Variants in PAWR observed in about 807,000 individuals in gnomAD.
The protein encoded by PAWR is PRKC apoptosis WT1 regulator protein.
In PAWR, 23 loss-of-function variants were observed where a neutral mutation model predicts 32.0. The ratio of observed to expected loss-of-function variants is 0.72; its 90% CI spans 0.52 to 1.02. PAWR has a LOEUF of 1.02. Among genes scored for constraint, PAWR ranks in the 50% least tolerant of loss-of-function variants. The pLI is 0.00. For synonymous variants in PAWR, 226 were observed against 187.1 expected (o/e 1.21, Z -1.70); for missense variants, 457 against 437.7 (o/e 1.04, Z -0.39).
intron 2 of PAWR, among the ~76,000 whole-genome samples, chr12:79,627,325 T>G (rs574648861): frequency 6.4e-4 from 98 of 152,350 alleles, no homozygotes; most frequent in African/African-American, 2.0e-3. Context: ...TTGATTTGCA[T>G]TTCTCTGATG....
intron 2 of PAWR, among the ~76,000 whole-genome samples, chr12:79,675,260 C>A (rs993112843): frequency 6.6e-6 from 1 of 152,002 alleles, no homozygotes; most frequent in African/African-American, 2.4e-5. Flanking sequence ...CACTTGTGTT[C>A]GCAGCTACTC....
chr12:79,588,658 C>T lies in PAWR; in HGVS notation c.*3949G>A, dbSNP rs749642045. ...GTACACTACTAGATGGAAAGTTGGT[C>T]CATGTCCATTTATTTAAAGATTCTG... is the stretch of plus-strand genomic sequence containing the variant. On this transcript the variant is annotated 3_prime_UTR_variant, in exon 7 of 7. Transcript: ENST00000328827. 1 of 151,896 alleles carries T rather than the reference C, an allele frequency of 6.6e-6. No individual in the cohort carries two copies. The highest frequency in any genetic ancestry group is 1.5e-5 in the Non-Finnish European group (1 of 67,878). The allele number at this position is 151,896 out of a possible 1,614,324, so 9.4% of individuals were successfully genotyped here.
At chr12:79,658,723 G>A (rs1387227367) in intron 2 of PAWR, among the ~76,000 whole-genome samples, 1 of 152,040 alleles carries the variant, frequency 6.6e-6, no homozygotes, top group Admixed American at 6.6e-5. Flanking sequence ...GAGTGCAGTG[G>A]CATGATCTCA....
rs1377806601 is a variant in PAWR at position 79,689,925 on chromosome 12, C to T, written c.320G>A (p.Arg107Gln). Residue 107 changes from arginine (R) to glutamine (Q), a missense_variant, in exon 2 of 7, where the codon CGG becomes CAG. Coordinates refer to ENST00000328827, the MANE Select transcript of PAWR (RefSeq NM_002583.4). Reference protein sequence around the residue: ...MLTRAAPGPRRSEDEPPAASA... With the variant: ...MLTRAAPGPRQSEDEPPAASA... ...GGCGGCTGGGGGCTCGTCCTCCGAC[C>T]GCCGCGGGCCGGGGGCCGCCCGCGT... 1 of 1,417,278 alleles carries T rather than the reference C, an allele frequency of 7.1e-7. No individual in the cohort carries two copies. The allele number at this position is 1,417,278 out of a possible 1,614,324, so 87.8% of individuals were successfully genotyped here.
At chr12:79,675,629 C>A (rs1396313649) in intron 2 of PAWR, among the ~76,000 whole-genome samples, 1 of 152,086 alleles carries the variant, frequency 6.6e-6, no homozygotes, top group Non-Finnish European at 1.5e-5. Context: ...CACATTAATG[C>A]AGGAACAGAA....
rs915275707 is a variant in PAWR, at chr12:79,661,520, C to T, written c.516+28209G>A. Reference sequence around the variant, plus strand: ...TTGAAATTTTATCATGGACATGTCACTCTTTTCTTAAGAAATTAATTTATT... The same window carrying T: ...TTGAAATTTTATCATGGACATGTCATTCTTTTCTTAAGAAATTAATTTATT... On this transcript the variant is annotated intron_variant, in intron 2 of 6. Coordinates refer to ENST00000328827, the MANE Select transcript of PAWR (RefSeq NM_002583.4). Among the ~76,000 whole-genome samples, 12 of 152,204 alleles carry T rather than the reference C, an allele frequency of 7.9e-5. 1 individual carries two copies. In the South Asian group the frequency reaches 2.3e-3, roughly 29 times the overall value.
chr12:79,607,813 T>C (rs1365989264), intron 4 of PAWR, among the ~76,000 whole-genome samples: 2 of 151,840 alleles, frequency 1.3e-5, no homozygotes, highest in Admixed American at 6.6e-5. Flanking sequence ...CCAAGGAAGT[T>C]TGTGTCTACT....
chr12:79,634,001 A>T (rs924934034), intron 2 of PAWR, among the ~76,000 whole-genome samples: 1 of 152,166 alleles, frequency 6.6e-6, no homozygotes, highest in Admixed American at 6.5e-5. Context: ...CATGAGTTGA[A>T]AATTATTGAA....
At position 79,588,511 on chromosome 12, in the gene PAWR, A is replaced by C. The variant is rs983732934; in HGVS notation, c.*4096T>G. 1.4e-4 allele frequency: 22 copies of C among 152,122 alleles called. No individual in the cohort carries two copies. Among genetic ancestry groups the C allele is most frequent in the African/African-American group, 4.8e-4 (20 of 41,568 alleles). The allele number at this position is 152,122 out of a possible 1,614,324, so 9.4% of individuals were successfully genotyped here. A position where few individuals can be genotyped will look rare whatever the true frequency, so the allele number is the denominator to read the frequency against. Reference sequence around the variant, plus strand: ...GTAGCAAATTAAATAGAACCTATTAACTAGATCTAAAAACAGTGGCTGAAT... The same window carrying C: ...GTAGCAAATTAAATAGAACCTATTACCTAGATCTAAAAACAGTGGCTGAAT... On this transcript the variant is annotated 3_prime_UTR_variant, in exon 7 of 7. Transcript: ENST00000328827.
intron 2 of PAWR, among the ~76,000 whole-genome samples, chr12:79,687,912 C>T (rs1381873020): frequency 6.6e-6 from 1 of 152,086 alleles, no homozygotes; most frequent in East Asian, 1.9e-4. Flanking sequence ...GGTCCTGCAG[C>T]TTGAAACGGA....
At chr12:79,607,562 C>T (rs1874237365) in intron 4 of PAWR, among the ~76,000 whole-genome samples, 3 of 151,638 alleles carry the variant, frequency 2.0e-5, no homozygotes, top group Non-Finnish European at 4.4e-5. Context: ...AACCCTGTCT[C>T]TACAAAAAAT....
intron 4 of PAWR, among the ~76,000 whole-genome samples, chr12:79,608,613 A>T (rs1874303430): frequency 6.6e-6 from 1 of 152,216 alleles, no homozygotes; most frequent in South Asian, 2.1e-4. Flanking sequence ...AATTAAATGC[A>T]TTTATGTTAT....
chr12:79,690,068 G>T lies in PAWR; in HGVS notation c.177C>A (p.Gly59=). Residue 59 remains glycine (G), a synonymous_variant, in exon 2 of 7, where the codon GGC becomes GGA. Transcript: ENST00000328827. ...AAGKPPAGAL[G]TPAAAAANEL... is the part of the protein sequence containing the mutation. ...CGTTGGCAGCGGCGGCCGCCGGGGT[G>T]CCCAGAGCCCCCGCGGGGGGCTTCC... The T allele has an allele frequency of 7.1e-7, 1 of 1,401,638 alleles. No homozygotes were observed. The highest frequency in any genetic ancestry group is 9.2e-7 in the Non-Finnish European group (1 of 1,089,124). 86.8% of individuals were successfully genotyped at this position (1,401,638 alleles called of 1,614,324 possible). A position where few individuals can be genotyped will look rare whatever the true frequency, so the allele number is the denominator to read the frequency against.
Position 79,689,867 on chromosome 12 carries a change from G to C in PAWR, c.378C>G (p.Asp126Glu), listed in dbSNP as rs752465442. 6.4e-7 allele frequency: 1 copy of C among 1,569,668 alleles called. No individual in the cohort carries two copies. The highest frequency in any genetic ancestry group is 1.2e-5 in the South Asian group (1 of 85,576). ...SASAAPPPQR[D>E]EEEPDGVPEK... The stretch of plus-strand genomic sequence containing the variant: ...CTGGGACGCCGTCCGGCTCCTCCTC[G>C]TCACGCTGGGGCGGCGGTGCAGCCG... The change falls in exon 2 of 7, where the codon GAC becomes GAG. Residue 126 changes from aspartate to glutamate, a missense_variant. Physicochemically the swap from Asp to Glu is conservative, Grantham distance 45. Coordinates refer to ENST00000328827, the MANE Select transcript of PAWR (RefSeq NM_002583.4).
chr12:79,646,886 T>C (rs1407778986), intron 2 of PAWR, among the ~76,000 whole-genome samples: 1 of 152,066 alleles, frequency 6.6e-6, no homozygotes, highest in East Asian at 1.9e-4. Flanking sequence ...AATATTAACA[T>C]AGGCATTTTG....
chr12:79,585,983 A>C lies in PAWR; in HGVS notation c.*6624T>G, dbSNP rs547350594. On this transcript the variant is annotated 3_prime_UTR_variant, in exon 7 of 7. Coordinates refer to ENST00000328827, the MANE Select transcript of PAWR (RefSeq NM_002583.4). ...TATTGGTTTTAAAAGGGTTACAAGAAACAAGATGCACTTTTAGGCCTCCTA... is the reference window on the plus strand; with the variant it reads ...TATTGGTTTTAAAAGGGTTACAAGACACAAGATGCACTTTTAGGCCTCCTA... The C allele has an allele frequency of 1.3e-5, 2 of 152,342 alleles. No homozygotes were observed. Among genetic ancestry groups the C allele is most frequent in the African/African-American group, 4.8e-5 (2 of 41,580 alleles). 9.4% of individuals were successfully genotyped at this position (152,342 alleles called of 1,614,324 possible). A position where few individuals can be genotyped will look rare whatever the true frequency, so the allele number is the denominator to read the frequency against.
Position 79,602,215 on chromosome 12 carries a change from A to C in PAWR, c.684-5557T>G, listed in dbSNP as rs563259791. Reference sequence around the variant, plus strand: ...GACTAAATAACTATTACACAGTAGTAGCTTTTAAATATTAATGCCTTAGTG... The same window carrying C: ...GACTAAATAACTATTACACAGTAGTCGCTTTTAAATATTAATGCCTTAGTG... On this transcript the variant is annotated intron_variant, in intron 4 of 6. Transcript: ENST00000328827. Among the ~76,000 whole-genome samples the C allele has an allele frequency of 3.2e-4, 49 of 152,338 alleles. 1 individual carries two copies. The South Asian group carries it at 9.7e-3, about 30-fold the overall frequency.
intron 2 of PAWR, chr12:79,688,266 T>C (rs1193379907): frequency 6.6e-6 from 1 of 151,518 alleles, no homozygotes; most frequent in Non-Finnish European, 1.5e-5. Context: ...TTTTAGCACA[T>C]GCAGCCAGAA....
At position 79,632,354 on chromosome 12, in the gene PAWR, TATATA is replaced by T. The variant is rs1566011175; in HGVS notation, c.517-11152_517-11148del. On this transcript the variant is annotated intron_variant, in intron 2 of 6. Transcript: ENST00000328827. ...ATATATATATATATATATATATATA[TATATA>T]TATTTTTTTTTTTTTTTAGACAGGG... 1.0e-3 allele frequency among the ~76,000 whole-genome samples: 52 copies of T among 52,096 alleles called. 2 individuals are homozygous for T. Among genetic ancestry groups the T allele is most frequent in the Non-Finnish European group, 1.3e-3 (40 of 30,580 alleles). 34.2% of individuals were successfully genotyped at this position (52,096 alleles called of 152,430 possible).
Sources: allele counts gnomAD v4.1 joint callset (sites outside exome capture counted in the v4.1 genomes callset), GRCh38; gene constraint gnomAD v4.1.1; transcripts MANE v1.5; gene names NCBI Gene and HGNC (gene_info 2026-07-23, HGNC 2026-07-21).